Variants in ESRRG observed in about 807,000 individuals in gnomAD.
ESRRG encodes the protein estrogen related receptor gamma.
In ESRRG, 13 loss-of-function variants were observed where a neutral mutation model predicts 44.0. That is an observed-to-expected ratio of 0.30 (90% CI 0.19 to 0.47). ESRRG has a LOEUF of 0.47. Among genes scored for constraint, ESRRG ranks in the 20% least tolerant of loss-of-function variants. The pLI, the probability that ESRRG is intolerant of heterozygous loss-of-function variation, is 1.00. For missense variants in ESRRG, 395 were observed against 580.6 expected, an observed-to-expected ratio of 0.68 and a Z score of 3.29; for synonymous variants, 215 against 214.6, an observed-to-expected ratio of 1.00 and a Z score of -0.02.
At chr1:216,746,009 T>C (rs1934153) in intron 2 of ESRRG, among the ~76,000 whole-genome samples, 2 of 152,204 alleles carry the variant, frequency 1.3e-5, no homozygotes, top group African/African-American at 4.8e-5. Context: ...TGTCTTAAGC[T>C]TTGTTCTGAG....
upstream of ESRRG, chr1:217,090,695 C>T (rs2151548989): frequency 6.6e-6 from 1 of 152,292 alleles, no homozygotes; most frequent in South Asian, 2.1e-4. Flanking sequence ...TTGAGAAACT[C>T]GACTGACACA....
intron 1 of ESRRG, among the ~76,000 whole-genome samples, chr1:216,987,740 T>C (rs2075094571): frequency 6.6e-6 from 1 of 152,172 alleles, no homozygotes; most frequent in Non-Finnish European, 1.5e-5. Context: ...GGCTGGCTTA[T>C]CTGCCATCAC....
chr1:216,745,849 G>T (rs962139557), intron 2 of ESRRG, among the ~76,000 whole-genome samples: 1 of 152,112 alleles, frequency 6.6e-6, no homozygotes, highest in African/African-American at 2.4e-5. Context: ...CATGTAGAAG[G>T]CAATTATCTA....
intron 2 of ESRRG, among the ~76,000 whole-genome samples, chr1:216,667,673 G>A (rs559521555): frequency 4.8e-4 from 52 of 107,342 alleles, no homozygotes; most frequent in Non-Finnish European, 8.1e-4. Context: ...GTGACAGAGC[G>A]AGACTCCATC....
intron 2 of ESRRG, among the ~76,000 whole-genome samples, chr1:216,906,897 G>A (rs1172167089): frequency 6.6e-6 from 1 of 152,164 alleles, no homozygotes; most frequent in African/African-American, 2.4e-5. Context: ...AAAGTGCTAA[G>A]CATGAATTCA....
intron 1 of ESRRG, among the ~76,000 whole-genome samples, chr1:216,955,148 A>G (rs1345000807): frequency 6.6e-6 from 1 of 152,084 alleles, no homozygotes; most frequent in African/African-American, 2.4e-5. Context: ...AACTTATTCT[A>G]TCTAGCTGTC....
At chr1:216,562,792 G>A (rs916713833) in intron 5 of ESRRG, among the ~76,000 whole-genome samples, 11 of 151,948 alleles carry the variant, frequency 7.2e-5, no homozygotes, top group African/African-American at 2.4e-4. Flanking sequence ...AAGTGTCTAT[G>A]GACACTTCAA....
intron 2 of ESRRG, among the ~76,000 whole-genome samples, chr1:216,837,152 G>A (rs1208985741): frequency 6.6e-6 from 1 of 151,838 alleles, no homozygotes. Flanking sequence ...GCTCACGTCT[G>A]TAATCCTAAC....
upstream of ESRRG, among the ~76,000 whole-genome samples, chr1:217,091,915 G>A (rs911636374): frequency 2.0e-5 from 3 of 152,298 alleles, no homozygotes; most frequent in South Asian, 4.1e-4. Context: ...TCACCACAAA[G>A]CGAAAGAACC....
chr1:216,705,330 C>G (rs1488566329), intron 1 of ESRRG, among the ~76,000 whole-genome samples: 2 of 150,272 alleles, frequency 1.3e-5, no homozygotes, highest in African/African-American at 4.9e-5. Flanking sequence ...AAATTATTTT[C>G]TATTTTTTTA....
At chr1:216,591,794 A>G (rs537048933) in intron 3 of ESRRG, among the ~76,000 whole-genome samples, 100 of 152,332 alleles carry the variant, frequency 6.6e-4, no homozygotes, top group African/African-American at 2.3e-3. Context: ...AATGATAGCA[A>G]TGGATTATAA....
At chr1:216,634,227 T>A (rs560651721) in intron 3 of ESRRG, among the ~76,000 whole-genome samples, 1 of 152,306 alleles carries the variant, frequency 6.6e-6, no homozygotes, top group African/African-American at 2.4e-5. Context: ...TGGATGAATG[T>A]GATTTTACTT....
At chr1:216,529,878 C>G (rs6678548) in intron 5 of ESRRG, among the ~76,000 whole-genome samples, 51,950 of 151,518 alleles carry the variant, frequency 0.34, 9,032 homozygotes, top group Non-Finnish European at 0.35. Context: ...TTGGGAGGCC[C>G]AGGTGAGTGG....
intron 2 of ESRRG, among the ~76,000 whole-genome samples, chr1:216,781,366 A>G (rs1054672554): frequency 6.6e-6 from 1 of 151,978 alleles, no homozygotes; most frequent in Admixed American, 6.6e-5. Flanking sequence ...TTTTCTTTTT[A>G]AGAGCAGTGT....
intron 2 of ESRRG, among the ~76,000 whole-genome samples, chr1:216,831,190 G>A (rs1017002533): frequency 6.6e-6 from 1 of 151,942 alleles, no homozygotes; most frequent in African/African-American, 2.4e-5. Context: ...TACGTGTCTG[G>A]TGCATATTTT....
intron 2 of ESRRG, among the ~76,000 whole-genome samples, chr1:216,890,694 T>C (rs1410043810): frequency 6.6e-6 from 1 of 152,198 alleles, no homozygotes; most frequent in Admixed American, 6.5e-5. Context: ...CTCCATTGCC[T>C]AGATGGACAC....
chr1:217,097,805 A>G (rs981898393), intron 1 of ESRRG, among the ~76,000 whole-genome samples: 1 of 150,750 alleles, frequency 6.6e-6, no homozygotes. Flanking sequence ...ATTTGCAACC[A>G]TGATCAATTT....
At chr1:217,000,946 A>G (rs1012202403) in intron 1 of ESRRG, among the ~76,000 whole-genome samples, 1 of 152,216 alleles carries the variant, frequency 6.6e-6, no homozygotes, top group Non-Finnish European at 1.5e-5. Flanking sequence ...ACCAAAATGA[A>G]CCATGCTGTC....
intron 2 of ESRRG, among the ~76,000 whole-genome samples, chr1:216,762,775 T>G (rs1486859871): frequency 6.6e-6 from 1 of 151,850 alleles, no homozygotes. Context: ...CTAGGGAGCA[T>G]TTTTTTCTGC....
Sources: allele counts gnomAD v4.1 joint callset (sites outside exome capture counted in the v4.1 genomes callset), GRCh38; gene constraint gnomAD v4.1.1; transcripts MANE v1.5; gene names NCBI Gene and HGNC (gene_info 2026-07-23, HGNC 2026-07-21).